IRAK1BP1: variants seen among roughly 807,000 people sequenced by gnomAD.
The protein encoded by IRAK1BP1 is interleukin 1 receptor associated kinase 1 binding protein 1, also known as interleukin-1 receptor-associated kinase 1-binding protein 1.
In IRAK1BP1, 24 loss-of-function variants were observed where a neutral mutation model predicts 28.0. The observed-to-expected ratio is 0.86, with a 90% CI of 0.62 to 1.20. The LOEUF (loss-of-function observed/expected upper bound fraction) is 1.20, where lower values mean the gene tolerates loss of function less well. Among genes scored for constraint, IRAK1BP1 ranks in the 50% most tolerant of loss-of-function variants. The pLI, the probability that IRAK1BP1 is intolerant of heterozygous loss-of-function variation, is 0.00. For synonymous variants in IRAK1BP1, 131 were observed against 116.3 expected, an observed-to-expected ratio of 1.13 and a Z score of -0.81; for missense variants, 336 against 316.7, an observed-to-expected ratio of 1.06 and a Z score of -0.46.
chr6:78,954,012 G>A, the IRAK1BP1 span, among the ~76,000 whole-genome samples: 105 of 152,248 alleles, frequency 6.9e-4, 1 homozygote, highest in South Asian at 0.011. Flanking sequence ...TTTTTACCAT[G>A]TATTCCATAA....
At chr6:78,869,396 T>A (rs1254681408) in intron 1 of IRAK1BP1, among the ~76,000 whole-genome samples, 1 of 152,202 alleles carries the variant, frequency 6.6e-6, no homozygotes, top group East Asian at 1.9e-4. Context: ...GGCACAGTCC[T>A]GTAATCCCAG....
chr6:78,898,240 A>G lies in IRAK1BP1; in HGVS notation c.689A>G (p.Gln230Arg). 1.2e-6 allele frequency: 2 copies of G among 1,613,562 alleles called. No individual in the cohort carries two copies. Among genetic ancestry groups the G allele is most frequent in the Non-Finnish European group, 1.7e-6 (2 of 1,179,846 alleles). The change falls in exon 4 of 4, where the codon CAA becomes CGA. Residue 230 changes from glutamine to arginine, a missense_variant. Coordinates refer to ENST00000369940, the MANE Select transcript of IRAK1BP1 (RefSeq NM_001010844.4). ...AGACTCTCAAGTTCATTAACTGTAC[A>G]ACAAAAAATCAAAAGTGCAACAATA... is the stretch of plus-strand genomic sequence containing the variant. ...SSRLSSSLTV[Q>R]QKIKSATIHA... is the part of the protein sequence containing the mutation.
intron 4 of IRAK1BP1, among the ~76,000 whole-genome samples, chr6:78,928,139 C>T (rs1772941863): frequency 6.6e-6 from 1 of 151,992 alleles, no homozygotes; most frequent in South Asian, 2.1e-4. Flanking sequence ...AATATTGATT[C>T]TTCTAATCTA....
chr6:78,872,526 G>T (rs571646416), intron 1 of IRAK1BP1, among the ~76,000 whole-genome samples: 6 of 152,166 alleles, frequency 3.9e-5, no homozygotes, highest in Non-Finnish European at 7.3e-5. Flanking sequence ...GGAAGTTGTG[G>T]ATTTGGGAAT....
chr6:78,942,970 T>C (rs939030854), intron 4 of IRAK1BP1, among the ~76,000 whole-genome samples: 7 of 152,178 alleles, frequency 4.6e-5, no homozygotes, highest in African/African-American at 1.4e-4. Context: ...ACCACTGATA[T>C]TGAACGGTGT....
the IRAK1BP1 span, among the ~76,000 whole-genome samples, chr6:78,968,960 A>T: frequency 1.3e-5 from 2 of 152,158 alleles, no homozygotes; most frequent in Non-Finnish European, 2.9e-5. Flanking sequence ...CTTCTACTGA[A>T]TATTATTTGG....
chr6:78,965,558 A>G, the IRAK1BP1 span: 604 of 544,224 alleles, frequency 1.1e-3, 7 homozygotes, highest in South Asian at 7.5e-3. Flanking sequence ...CCCTACTTCA[A>G]GGTGTACAAT....
At chr6:78,930,162 A>G (rs1773005731) in intron 4 of IRAK1BP1, among the ~76,000 whole-genome samples, 2 of 152,258 alleles carry the variant, frequency 1.3e-5, no homozygotes, top group South Asian at 2.1e-4. Context: ...TCTTGGGCTC[A>G]GAGTTCTTGG....
chr6:78,891,447 C>T lies in IRAK1BP1; in HGVS notation c.381+6004C>T, dbSNP rs993756908. ...TTTTATGTTATTTTCATGTTATAACCTTAGTGTTTAGAGGAATTTTTTTTT... is the reference window on the plus strand; with the variant it reads ...TTTTATGTTATTTTCATGTTATAACTTTAGTGTTTAGAGGAATTTTTTTTT... On this transcript the variant is annotated intron_variant, in intron 2 of 3. Transcript: ENST00000369940. 2.7e-5 allele frequency among the ~76,000 whole-genome samples: 4 copies of T among 150,574 alleles called. No individual in the cohort carries two copies. The East Asian group carries it at 7.8e-4, about 29-fold the overall frequency.
the IRAK1BP1 span, among the ~76,000 whole-genome samples, chr6:78,959,000 T>C: frequency 6.6e-6 from 1 of 152,108 alleles, no homozygotes; most frequent in Non-Finnish European, 1.5e-5. Context: ...ACAAGTAATT[T>C]TAATCTAATT....
downstream of IRAK1BP1, among the ~76,000 whole-genome samples, chr6:78,903,713 G>T (rs1379213365): frequency 1.3e-5 from 2 of 151,720 alleles, no homozygotes; most frequent in Non-Finnish European, 2.9e-5. Flanking sequence ...ATAGGCAGGG[G>T]TCAGGCAGTG....
chr6:78,970,875 C>T, the IRAK1BP1 span: 6 of 1,603,796 alleles, frequency 3.7e-6, no homozygotes, highest in East Asian at 2.2e-5. Context: ...ATGTCCTTGT[C>T]GGAAATAATA....
the IRAK1BP1 span, chr6:78,970,764 A>C: frequency 2.0e-6 from 3 of 1,479,648 alleles, no homozygotes; most frequent in Non-Finnish European, 2.8e-6. Flanking sequence ...CTATTAAATA[A>C]TAAATCAATG....
chr6:78,912,675 A>T (rs1345136252), intron 4 of IRAK1BP1, among the ~76,000 whole-genome samples: 4 of 152,214 alleles, frequency 2.6e-5, no homozygotes, highest in African/African-American at 4.8e-5. Flanking sequence ...CTGGCAACAG[A>T]ATGGTTAGAT....
chr6:78,961,280 T>C, the IRAK1BP1 span, among the ~76,000 whole-genome samples: 5 of 151,828 alleles, frequency 3.3e-5, no homozygotes, highest in African/African-American at 1.2e-4. Flanking sequence ...ACAAAATACA[T>C]AATACGAATA....
At chr6:78,921,379 G>A (rs1772722160) in intron 4 of IRAK1BP1, among the ~76,000 whole-genome samples, 1 of 152,224 alleles carries the variant, frequency 6.6e-6, no homozygotes, top group Admixed American at 6.5e-5. Context: ...GCTGGGGGAG[G>A]GGCGCCCATC....
the IRAK1BP1 span, among the ~76,000 whole-genome samples, chr6:78,971,300 C>T: frequency 6.6e-6 from 1 of 152,320 alleles, no homozygotes; most frequent in Middle Eastern, 3.4e-3. Context: ...AATCCTTACA[C>T]AAATCCTGGT....
chr6:78,925,657 A>G (rs1436670690), intron 4 of IRAK1BP1, among the ~76,000 whole-genome samples: 2 of 152,296 alleles, frequency 1.3e-5, no homozygotes, highest in South Asian at 2.1e-4. Context: ...TAAAAACAGA[A>G]CTACTATTCA....
At chr6:78,907,369 A>C (rs368667425), downstream of IRAK1BP1, among the ~76,000 whole-genome samples, 18 of 152,302 alleles carry the variant, frequency 1.2e-4, no homozygotes, top group African/African-American at 4.3e-4. Context: ...CTCTGATTCA[A>C]GCACCATATT....
Sources: gnomAD v4.1 joint callset for allele counts (sites outside exome capture counted in the v4.1 genomes callset) on GRCh38, gnomAD v4.1.1 for gene constraint, MANE v1.5 for transcripts, NCBI Gene and HGNC (gene_info 2026-07-23, HGNC 2026-07-21) for gene names.